The following LINGO2 variants were observed in gnomAD, a reference collection of about 807,000 sequenced individuals.
The protein encoded by LINGO2 is leucine-rich repeat and immunoglobulin-like domain-containing nogo receptor-interacting protein 2.
LINGO2 carries 14 observed loss-of-function variants against 30.6 expected under a neutral mutation model. The observed-to-expected ratio is 0.46, with a 90% confidence interval of 0.30 to 0.72. The LOEUF is 0.72. Ranked by LOEUF, LINGO2 falls within the 30% of genes least tolerant of loss-of-function variation. LINGO2 has a pLI of 0.07. For synonymous variants in LINGO2, 317 were observed against 288.5 expected (o/e 1.10, Z -1.00); for missense variants, 729 against 751.7 (o/e 0.97, Z 0.35).
At chr9:28,294,573 T>C (rs1823856660) in intron 4 of LINGO2, among the ~76,000 whole-genome samples, 1 of 152,012 alleles carries the variant, frequency 6.6e-6, no homozygotes, top group African/African-American at 2.4e-5. Flanking sequence ...CTGACCAAAA[T>C]ATGGTTAACA....
At chr9:29,094,638 A>C in the LINGO2 span, among the ~76,000 whole-genome samples, 751 of 139,184 alleles carry the variant, frequency 5.4e-3, 123 homozygotes, top group Non-Finnish European at 9.1e-3. Context: ...ATGTGCTGTA[A>C]GTGTAAAATA....
the LINGO2 span, among the ~76,000 whole-genome samples, chr9:28,754,991 C>A: frequency 1.3e-5 from 2 of 151,832 alleles, no homozygotes; most frequent in Non-Finnish European, 2.9e-5. Flanking sequence ...TTGATAGAAA[C>A]AGATTCTATA....
At chr9:28,008,641 T>C (rs1372622840) in intron 5 of LINGO2, among the ~76,000 whole-genome samples, 1 of 152,164 alleles carries the variant, frequency 6.6e-6, no homozygotes, top group Admixed American at 6.5e-5. Flanking sequence ...ACTGAATGTA[T>C]TTGACAATCT....
intron 1 of LINGO2, among the ~76,000 whole-genome samples, chr9:28,624,857 C>T (rs1826587771): frequency 1.3e-5 from 2 of 151,148 alleles, no homozygotes; most frequent in South Asian, 2.1e-4. Context: ...CAGTGTAAGA[C>T]AAAGCATTCT....
At chr9:28,923,658 G>A in the LINGO2 span, among the ~76,000 whole-genome samples, 3 of 152,036 alleles carry the variant, frequency 2.0e-5, no homozygotes, top group African/African-American at 4.8e-5. Flanking sequence ...GAATGTAGAC[G>A]ACATAAGAAA....
At chr9:28,573,559 C>T (rs1823809012) in intron 1 of LINGO2, among the ~76,000 whole-genome samples, 1 of 152,124 alleles carries the variant, frequency 6.6e-6, no homozygotes, top group African/African-American at 2.4e-5. Flanking sequence ...AGGAACATGA[C>T]TATTTTCCCG....
chr9:29,206,344 G>A, the LINGO2 span, among the ~76,000 whole-genome samples: 2 of 152,222 alleles, frequency 1.3e-5, no homozygotes, highest in East Asian at 3.9e-4. Context: ...TGTTAGATGA[G>A]CTGAACCAGT....
chr9:28,714,194 CAT>C, the LINGO2 span, among the ~76,000 whole-genome samples: 304 of 86,906 alleles, frequency 3.5e-3, 8 homozygotes, highest in African/African-American at 0.019. Context: ...TATATACACA[CAT>C]ACACACACAC....
the LINGO2 span, among the ~76,000 whole-genome samples, chr9:28,860,834 T>C: frequency 6.7e-6 from 1 of 148,424 alleles, no homozygotes; most frequent in African/African-American, 2.5e-5. Flanking sequence ...ATGTGTCACT[T>C]AAGAAACTAA....
intron 1 of LINGO2, among the ~76,000 whole-genome samples, chr9:28,494,542 T>C (rs983377004): frequency 3.9e-5 from 6 of 151,936 alleles, no homozygotes; most frequent in Non-Finnish European, 7.3e-5. Flanking sequence ...ACAAAGGACA[T>C]GAACTCATCC....
chr9:27,989,248 TTTA>T (rs1488844544), intron 5 of LINGO2, among the ~76,000 whole-genome samples: 1 of 151,936 alleles, frequency 6.6e-6, no homozygotes, highest in East Asian at 1.9e-4. Flanking sequence ...AGTCTTCTGA[TTTA>T]TTATTATTCA....
chr9:28,224,374 TA>T (rs1363686375), intron 4 of LINGO2, among the ~76,000 whole-genome samples: 1 of 152,234 alleles, frequency 6.6e-6, no homozygotes, highest in Non-Finnish European at 1.5e-5. Context: ...CAGAATTTTT[TA>T]TTGTTACATA....
intron 2 of LINGO2, among the ~76,000 whole-genome samples, chr9:28,463,759 TG>T (rs1825180273): frequency 1.4e-5 from 1 of 72,870 alleles, no homozygotes; most frequent in Non-Finnish European, 2.7e-5. Context: ...AAAAATAAAA[TG>T]AAAAAAAATG....
the LINGO2 span, among the ~76,000 whole-genome samples, chr9:29,073,007 A>G: frequency 2.1e-5 from 3 of 145,108 alleles, no homozygotes; most frequent in South Asian, 6.6e-4. Flanking sequence ...ATGGGCACAC[A>G]CACACCCCAC....
chr9:29,018,091 TTATATA>T, the LINGO2 span, among the ~76,000 whole-genome samples: 27 of 23,208 alleles, frequency 1.2e-3, no homozygotes, highest in South Asian at 5.0e-3. Flanking sequence ...AATATACATT[TTATATA>T]TATATATATA....
chr9:29,040,490 C>A, the LINGO2 span, among the ~76,000 whole-genome samples: 2 of 151,500 alleles, frequency 1.3e-5, no homozygotes, highest in Admixed American at 6.6e-5. Context: ...TACTGGTTAT[C>A]TACTCCCAAT....
chr9:28,525,856 C>G (rs964319171), intron 1 of LINGO2, among the ~76,000 whole-genome samples: 35 of 151,900 alleles, frequency 2.3e-4, no homozygotes, highest in African/African-American at 6.8e-4. Flanking sequence ...GAGATGGAGA[C>G]CATCCTGGCT....
chr9:28,769,883 C>CT, the LINGO2 span, among the ~76,000 whole-genome samples: 2 of 151,700 alleles, frequency 1.3e-5, no homozygotes, highest in Non-Finnish European at 1.5e-5. Flanking sequence ...GCTCTTACTA[C>CT]TTTTTTGCTC....
the LINGO2 span, among the ~76,000 whole-genome samples, chr9:29,052,018 C>A: frequency 6.6e-6 from 1 of 152,180 alleles, no homozygotes; most frequent in South Asian, 2.1e-4. Flanking sequence ...TTGAACCATA[C>A]GAAATTGTTG....
Sources: gnomAD v4.1 joint callset for allele counts (sites outside exome capture counted in the v4.1 genomes callset) on GRCh38, gnomAD v4.1.1 for gene constraint, MANE v1.5 for transcripts, NCBI Gene and HGNC (gene_info 2026-07-23, HGNC 2026-07-21) for gene names.